TMCO4: variants seen among roughly 807,000 people sequenced by gnomAD.
TMCO4 encodes transmembrane and coiled-coil domain-containing protein 4.
TMCO4 carries 58 observed loss-of-function variants against 64.7 expected under a neutral mutation model. The observed-to-expected ratio is 0.90, with a 90% CI of 0.73 to 1.12. The LOEUF is 1.12. TMCO4 is among the 50% of genes most tolerant of loss of function. The pLI is 0.00. For synonymous variants in TMCO4, 325 were observed against 346.1 expected (o/e 0.94, Z 0.68); for missense variants, 780 against 825.9 (o/e 0.94, Z 0.68).
chr1:19,795,605 T>C (rs10917542), intron 2 of TMCO4, among the ~76,000 whole-genome samples: 3,812 of 152,314 alleles, frequency 0.025, 80 homozygotes, highest in African/African-American at 0.054. Flanking sequence ...TTTCTCTCAA[T>C]AATCCTACAA....
chr1:19,737,464 GA>G lies in TMCO4; in HGVS notation c.1180-9del. On this transcript the variant is annotated splice_polypyrimidine_tract_variant and intron_variant, in intron 12 of 15. Coordinates refer to ENST00000294543, the MANE Select transcript of TMCO4 (RefSeq NM_181719.7). ...GGTGACAGGTCGTCGCCCCTGAAGG[GA>G]AAAAGGACACAGGTGTCTGGAAGGA... 5 of 1,613,482 alleles carry G rather than the reference GA, an allele frequency of 3.1e-6. No individual in the cohort carries two copies. Among genetic ancestry groups the G allele is most frequent in the Middle Eastern group, 1.7e-4 (1 of 5,996 alleles).
intron 15 of TMCO4, among the ~76,000 whole-genome samples, chr1:19,683,733 A>T (rs952713240): frequency 6.9e-6 from 1 of 145,704 alleles, no homozygotes; most frequent in Non-Finnish European, 1.5e-5. Flanking sequence ...AAGGTGGAGT[A>T]GAAGCTCTCG....
rs571842225 is a variant in TMCO4, at chr1:19,797,819, G to T, written c.-101+318C>A. 9.9e-5 allele frequency among the ~76,000 whole-genome samples: 14 copies of T among 141,834 alleles called. No homozygotes were observed. The South Asian group carries it at 3.2e-3, about 32-fold the overall frequency. The allele number at this position is 141,834 out of a possible 152,430, so 93.0% of individuals were successfully genotyped here. On this transcript the variant is annotated intron_variant, in intron 2 of 15. Coordinates refer to ENST00000294543, the MANE Select transcript of TMCO4 (RefSeq NM_181719.7). ...GCGGAGGTTGCAGTGAGCTGAAATTGCATCACTGCACTCCAGCCTGGGTGA... is the reference window on the plus strand; with the variant it reads ...GCGGAGGTTGCAGTGAGCTGAAATTTCATCACTGCACTCCAGCCTGGGTGA...
intron 15 of TMCO4, 134 bp downstream of exon 15, chr1:19,694,300 C>T: frequency 2.7e-6 from 2 of 735,564 alleles, no homozygotes; most frequent in Non-Finnish European, 4.4e-6. Context: ...CTGCACCTGG[C>T]TCCAAATAAA....
At position 19,696,018 on chromosome 1, in the gene TMCO4, C is replaced by G. The variant is rs1237840408; in HGVS notation, c.1383-1467G>C. ...GAGCAGGCAATCCTCCCTCCCCGCC[C>G]CATGGATGAATGCGACGGCCTCTGC... On this transcript the variant is annotated intron_variant, in intron 14 of 15. Transcript: ENST00000294543. Among the ~76,000 whole-genome samples the G allele has an allele frequency of 2.6e-5, 4 of 152,256 alleles. No homozygotes were observed. The South Asian group carries it at 8.3e-4, about 32-fold the overall frequency.
Position 19,708,706 on chromosome 1 carries a change from A to G in TMCO4, c.1265-7821T>C, listed in dbSNP as rs146243326. ...GCAAACCCTCACAGAGCTTTCTGTT[A>G]TCCCAGGGCCTGCTCCTTTAGCTGC... On this transcript the variant is annotated intron_variant, in intron 13 of 15. Coordinates refer to ENST00000294543, the MANE Select transcript of TMCO4 (RefSeq NM_181719.7). Among the ~76,000 whole-genome samples the G allele has an allele frequency of 3.3e-5, 5 of 152,246 alleles. No homozygotes were observed. In the East Asian group the frequency reaches 9.6e-4, roughly 29 times the overall value.
At chr1:19,713,162 G>C (rs1438134567) in intron 13 of TMCO4, among the ~76,000 whole-genome samples, 10 of 152,312 alleles carry the variant, frequency 6.6e-5, no homozygotes, top group African/African-American at 2.4e-4. Context: ...GATTCAAGGG[G>C]TGGGGAAACA....
intron 7 of TMCO4, among the ~76,000 whole-genome samples, chr1:19,749,556 T>G (rs1190968216): frequency 6.6e-6 from 1 of 152,094 alleles, no homozygotes; most frequent in Non-Finnish European, 1.5e-5. Context: ...TTTGTAGACA[T>G]GGGGTTTTGC....
intron 6 of TMCO4, among the ~76,000 whole-genome samples, chr1:19,765,923 C>T (rs553939009): frequency 6.6e-6 from 1 of 152,310 alleles, no homozygotes; most frequent in Middle Eastern, 3.4e-3. Context: ...CTCCTCTGCC[C>T]CCATCAATCT....
chr1:19,727,113 G>A (rs2095412127), intron 13 of TMCO4, among the ~76,000 whole-genome samples: 1 of 152,208 alleles, frequency 6.6e-6, no homozygotes, highest in Non-Finnish European at 1.5e-5. Context: ...AGGCGTGGGA[G>A]GAGCAGAGGA....
intron 15 of TMCO4, among the ~76,000 whole-genome samples, chr1:19,686,363 A>G (rs2095149782): frequency 6.6e-6 from 1 of 152,194 alleles, no homozygotes; most frequent in Admixed American, 6.5e-5. Flanking sequence ...AAGGACAGGA[A>G]AAACACCAGG....
chr1:19,788,535 A>G (rs115390036), intron 2 of TMCO4, among the ~76,000 whole-genome samples: 3,551 of 152,224 alleles, frequency 0.023, 146 homozygotes, highest in African/African-American at 0.081. Context: ...ATTATTAACA[A>G]TAAGTGTCGA....
At chr1:19,738,682 G>C (rs1252392018) in intron 12 of TMCO4, among the ~76,000 whole-genome samples, 1 of 152,224 alleles carries the variant, frequency 6.6e-6, no homozygotes, top group East Asian at 1.9e-4. Flanking sequence ...TGTTTCTTTT[G>C]ACAAAGACGC....
chr1:19,771,543 T>C (rs1224085805), intron 4 of TMCO4, 61 bp from the exon 5 acceptor site: 38 of 1,546,608 alleles, frequency 2.5e-5, no homozygotes, highest in South Asian at 7.2e-5. Context: ...CACTGGGCAG[T>C]GTAGATTAGT....
At chr1:19,759,406 C>T (rs1026992564) in intron 6 of TMCO4, among the ~76,000 whole-genome samples, 33 of 152,178 alleles carry the variant, frequency 2.2e-4, no homozygotes, top group Non-Finnish European at 3.7e-4. Flanking sequence ...ATCATCAATC[C>T]GGTCATGTTC....
chr1:19,700,586 C>A (rs1208186540), intron 14 of TMCO4, among the ~76,000 whole-genome samples, 182 bp downstream of exon 14: 3 of 152,184 alleles, frequency 2.0e-5, no homozygotes, highest in Admixed American at 2.0e-4. Context: ...ACTGGAGGGC[C>A]GCTTCCCAGA....
chr1:19,764,842 CAAAAAAAAAA>C (rs33963523), intron 6 of TMCO4, among the ~76,000 whole-genome samples: 962 of 70,462 alleles, frequency 0.014, 17 homozygotes, highest in South Asian at 0.098. Flanking sequence ...AACTCTGTCT[CAAAAAAAAAA>C]AAAAAAAAAA....
chr1:19,730,272 G>A (rs763450052), intron 13 of TMCO4, among the ~76,000 whole-genome samples: 2 of 152,324 alleles, frequency 1.3e-5, no homozygotes, highest in East Asian at 1.9e-4. Context: ...GGAAACATAC[G>A]TTGATATGGA....
intron 10 of TMCO4, 107 bp downstream of exon 10, chr1:19,745,425 T>C: frequency 2.6e-6 from 4 of 1,525,780 alleles, no homozygotes; most frequent in African/African-American, 2.8e-5. Context: ...CTCTGCGAAA[T>C]GGGGCTCCCT....
Sources: allele counts gnomAD v4.1 joint callset (sites outside exome capture counted in the v4.1 genomes callset), GRCh38; gene constraint gnomAD v4.1.1; transcripts MANE v1.5; gene names NCBI Gene and HGNC (gene_info 2026-07-23, HGNC 2026-07-21).